TXNDC11: variants seen among roughly 807,000 people sequenced by gnomAD.
The protein encoded by TXNDC11 is thioredoxin domain-containing protein 11.
In TXNDC11, 68 loss-of-function variants were observed where a neutral mutation model predicts 78.0. The observed-to-expected ratio is 0.87, with a 90% CI of 0.72 to 1.07. The LOEUF (loss-of-function observed/expected upper bound fraction) is 1.07, where lower values mean the gene tolerates loss of function less well. TXNDC11 is among the 50% of genes least tolerant of loss of function. The pLI, the probability that TXNDC11 is intolerant of heterozygous loss-of-function variation, is 0.00. For missense variants in TXNDC11, 1,389 were observed against 1,221.8 expected, an observed-to-expected ratio of 1.14 and a Z score of -2.04; for synonymous variants, 571 against 495.2, an observed-to-expected ratio of 1.15 and a Z score of -2.03.
chr16:11,688,182 T>G, intron 9 of TXNDC11, 121 bp downstream of exon 9: 1 of 1,105,594 alleles, frequency 9.0e-7, no homozygotes, highest in Non-Finnish European at 1.3e-6. Context: ...GGTCCATAAT[T>G]GGGCCATCAC....
chr16:11,742,648 G>T lies in TXNDC11; in HGVS notation c.83C>A (p.Ala28Glu). Residue 28 changes from alanine to glutamate, a missense_variant, in exon 1 of 12, where the codon GCG (alanine) becomes GAG (glutamate). Physicochemically the swap from Ala to Glu is moderately radical, Grantham distance 107. Coordinates refer to ENST00000283033, the MANE Select transcript of TXNDC11 (RefSeq NM_015914.7). ...GCTCGAGCTGAGGCAGTCTGAGCCC[G>T]CGGGGCCGCCGCCGCCCCCTCCCTC... ...EDEGGGGGGPAGSDCLSSSPT... is the reference protein window; with the variant it reads ...EDEGGGGGGPEGSDCLSSSPT... 1.4e-6 allele frequency: 2 copies of T among 1,460,502 alleles called. No homozygotes were observed. The highest frequency in any genetic ancestry group is 1.8e-6 in the Non-Finnish European group (2 of 1,112,008). 90.5% of individuals were successfully genotyped at this position (1,460,502 alleles called of 1,614,324 possible).
chr16:11,706,814 T>C (rs953459015), intron 5 of TXNDC11, among the ~76,000 whole-genome samples: 1 of 152,202 alleles, frequency 6.6e-6, no homozygotes, highest in Non-Finnish European at 1.5e-5. Context: ...GGATAAAAGC[T>C]TTTTGGTTTT....
chr16:11,693,829 C>T (rs2050784290), intron 7 of TXNDC11, among the ~76,000 whole-genome samples: 1 of 152,108 alleles, frequency 6.6e-6, no homozygotes, highest in Non-Finnish European at 1.5e-5. Context: ...AGCCCAGATG[C>T]CCTCTGGCCC....
At position 11,739,895 on chromosome 16, in the gene TXNDC11, TA is replaced by T. The variant is rs563758341; in HGVS notation, c.254+2581del. The stretch of plus-strand genomic sequence containing the variant: ...CTGGAGCTGTTCATAAAAATTAAAT[TA>T]AAAAAAAAAATCCTAGGCCAGGCGC... On this transcript the variant is annotated intron_variant, in intron 1 of 11. Coordinates refer to ENST00000283033, the MANE Select transcript of TXNDC11 (RefSeq NM_015914.7). Among the ~76,000 whole-genome samples the T allele has an allele frequency of 3.9e-3, 569 of 147,072 alleles. 4 individuals are homozygous for T. Among genetic ancestry groups the T allele is most frequent in the African/African-American group, 0.012 (493 of 40,174 alleles).
intron 4 of TXNDC11, among the ~76,000 whole-genome samples, chr16:11,726,964 A>T (rs2051898967): frequency 6.6e-6 from 1 of 152,054 alleles, no homozygotes; most frequent in Non-Finnish European, 1.5e-5. Context: ...GAGGCACGAG[A>T]ATCACCTGAA....
chr16:11,692,019 G>A lies in TXNDC11; in HGVS notation c.1171C>T (p.Gln391Ter). The change falls in exon 8 of 12, where the codon CAG becomes TAG. Residue 391 changes from glutamine (Q) to a stop codon, truncating the protein, a stop_gained. Transcript: ENST00000283033. LOFTEE classifies it high-confidence loss of function. ...HGDQVVERLL[Q>*]HLRRVDAPVL... ...GGAGCATCCACCCGCCGCAGGTGCT[G>A]AAGGAGACGCTCCACCACCTGGTCC... is the stretch of plus-strand genomic sequence containing the variant. The A allele has an allele frequency of 6.4e-7, 1 of 1,561,948 alleles. No homozygotes were observed. Among genetic ancestry groups the A allele is most frequent in the Non-Finnish European group, 8.7e-7 (1 of 1,153,874 alleles).
intron 1 of TXNDC11, among the ~76,000 whole-genome samples, chr16:11,738,689 GA>G (rs2052301052): frequency 6.6e-6 from 1 of 151,082 alleles, no homozygotes; most frequent in Non-Finnish European, 1.5e-5. Flanking sequence ...ACGTTTTCAA[GA>G]GATCCAAAAT....
At chr16:11,683,918 T>C (rs1382864285) in intron 11 of TXNDC11, among the ~76,000 whole-genome samples, 1 of 152,000 alleles carries the variant, frequency 6.6e-6, no homozygotes, top group African/African-American at 2.4e-5. Context: ...GCCTGGCTAA[T>C]TTTTGTATTT....
chr16:11,734,828 G>A lies in TXNDC11; in HGVS notation c.472-749C>T, dbSNP rs2052172808. Among the ~76,000 whole-genome samples, 2 of 152,316 alleles carry A rather than the reference G, an allele frequency of 1.3e-5. 1 individual carries two copies. The highest frequency in any genetic ancestry group is 4.1e-4 in the South Asian group (2 of 4,828). On this transcript the variant is annotated intron_variant, in intron 2 of 11. Transcript: ENST00000283033. ...TGCCTACACACGTTACTTCACATCA[G>A]TGGTTCTGAGCAGGAGAGTCTTAGA...
intron 3 of TXNDC11, among the ~76,000 whole-genome samples, chr16:11,731,290 T>C (rs2052037071): frequency 6.6e-6 from 1 of 152,332 alleles, no homozygotes; most frequent in South Asian, 2.1e-4. Flanking sequence ...TTAAACCTAT[T>C]TGAAGCTTTA....
Position 11,698,216 on chromosome 16 carries a change from A to G in TXNDC11, c.1016T>C (p.Leu339Pro), listed in dbSNP as rs762374953. The change falls in exon 7 of 12, where the codon CTC becomes CCC. Residue 339 changes from leucine to proline, a missense_variant. Physicochemically the swap from Leu to Pro is moderately conservative, Grantham distance 98 (BLOSUM62 -3). Transcript: ENST00000283033. ...TTTCTTCAGCTCGTTATTCAGCAGG[A>G]GACTCTTGCCTCCGTGTGGCCGCAG... is the stretch of plus-strand genomic sequence containing the variant. ...RWLRPHGGKS[L>P]LLNNELKKGP... 3.1e-6 allele frequency: 5 copies of G among 1,614,230 alleles called. No homozygotes were observed. Among genetic ancestry groups the G allele is most frequent in the Non-Finnish European group, 4.2e-6 (5 of 1,180,042 alleles).
At chr16:11,687,676 T>G (rs1028378606) in intron 10 of TXNDC11, among the ~76,000 whole-genome samples, 181 bp downstream of exon 10, 1 of 152,224 alleles carries the variant, frequency 6.6e-6, no homozygotes, top group Non-Finnish European at 1.5e-5. Flanking sequence ...TCAGAATTCA[T>G]GAGGAAAAGT....
chr16:11,679,481 T>G lies in TXNDC11; in HGVS notation c.2591A>C (p.Glu864Ala), dbSNP rs767519145. The change falls in exon 12 of 12, where the codon GAG (glutamate) becomes GCG (alanine). Residue 864 changes from glutamate (E) to alanine (A), a missense_variant. Transcript: ENST00000283033. This position sits in a 1 kb window ranked among gnomAD's most constrained non-coding sequence, Gnocchi z 4.6. The part of the protein sequence containing the change: ...AHSEQLQALY[E>A]QKTRELQELA... ...CTCCTGCAGCTCACGTGTCTTCTGC[T>G]CATAGAGGGCCTGCAGCTGCTCACT... 6.2e-7 allele frequency: 1 copy of G among 1,613,630 alleles called. No homozygotes were observed. Among genetic ancestry groups the G allele is most frequent in the Non-Finnish European group, 8.5e-7 (1 of 1,180,028 alleles).
At chr16:11,735,962 G>A in intron 2 of TXNDC11, 55 bp downstream of exon 2, 1 of 1,553,222 alleles carries the variant, frequency 6.4e-7, no homozygotes, top group Non-Finnish European at 8.9e-7. Context: ...GGGACATCCT[G>A]CCCTACATAT....
rs193023418 is a variant in TXNDC11 at position 11,708,023 on chromosome 16, G to A, written c.794-7459C>T. Among the ~76,000 whole-genome samples, 383 of 152,184 alleles carry A rather than the reference G, an allele frequency of 2.5e-3. 3 individuals carry two copies. Among genetic ancestry groups the A allele is most frequent in the African/African-American group, 8.7e-3 (363 of 41,548 alleles). ...TGCTTGAGCCCAGGAGGTCAAGGCC[G>A]CAGTGAGCTATAATTGCACCACTGC... On this transcript the variant is annotated intron_variant, in intron 5 of 11. Transcript: ENST00000283033.
Position 11,684,199 on chromosome 16 carries a change from G to T in TXNDC11, c.2200C>A (p.Arg734Ser). 1.2e-6 allele frequency: 2 copies of T among 1,613,828 alleles called. No homozygotes were observed. The highest frequency in any genetic ancestry group is 1.7e-6 in the Non-Finnish European group (2 of 1,179,846). Residue 734 changes from arginine to serine, a missense_variant, in exon 11 of 12, where the codon CGT (arginine) becomes AGT (serine). Coordinates refer to ENST00000283033, the MANE Select transcript of TXNDC11 (RefSeq NM_015914.7). ...NDLPWEFMVD[R>S]LPTVLFFPCN... Reference sequence around the variant, plus strand: ...GGAAAAAACAAGACAGTAGGAAGACGATCGACCATAAATTCCCAAGGAAGG... The same window carrying T: ...GGAAAAAACAAGACAGTAGGAAGACTATCGACCATAAATTCCCAAGGAAGG...
chr16:11,736,332 G>C (rs1266817361), intron 1 of TXNDC11, 99 bp from the exon 2 acceptor site: 11 of 1,020,402 alleles, frequency 1.1e-5, no homozygotes, highest in Non-Finnish European at 1.6e-5. Context: ...ATCCTCTTTT[G>C]AATAAGAAAA....
At chr16:11,692,766 C>T (rs141052409) in intron 7 of TXNDC11, among the ~76,000 whole-genome samples, 2,828 of 152,242 alleles carry the variant, frequency 0.019, 47 homozygotes, top group Non-Finnish European at 0.029. Flanking sequence ...CATGGCACTC[C>T]TGGGCCAAAT....
At chr16:11,713,440 G>A (rs1204303209) in intron 5 of TXNDC11, among the ~76,000 whole-genome samples, 1 of 151,814 alleles carries the variant, frequency 6.6e-6, no homozygotes, top group Non-Finnish European at 1.5e-5. Context: ...TTTTGAGACA[G>A]AGTTTTGCTC....
Sources: gnomAD v4.1 joint callset for allele counts (sites outside exome capture counted in the v4.1 genomes callset) on GRCh38, gnomAD v4.1.1 for gene constraint, Gnocchi (gnomAD v3.1) non-coding constraint, MANE v1.5 for transcripts, NCBI Gene and HGNC (gene_info 2026-07-23, HGNC 2026-07-21) for gene names.